The following C8orf34 variants were observed in gnomAD, a reference collection of about 807,000 sequenced individuals.
C8orf34 encodes the protein uncharacterized protein C8orf34.
C8orf34 carries 65 observed loss-of-function variants against 68.3 expected under a neutral mutation model. That is an observed-to-expected ratio of 0.95 (90% CI 0.78 to 1.17). The LOEUF is 1.17. Ranked by LOEUF, C8orf34 falls within the 50% of genes most tolerant of loss-of-function variation. The pLI is 0.00. For missense variants in C8orf34, 664 were observed against 655.4 expected, an observed-to-expected ratio of 1.01 and a Z score of -0.14; for synonymous variants, 244 against 241.2, an observed-to-expected ratio of 1.01 and a Z score of -0.11.
At chr8:68,601,203 A>T (rs1165417545) in intron 7 of C8orf34, among the ~76,000 whole-genome samples, 1 of 151,962 alleles carries the variant, frequency 6.6e-6, no homozygotes, top group Admixed American at 6.6e-5. Context: ...GTTTTTATAA[A>T]TATAATTATT....
chr8:68,811,188 G>A (rs1824640157), intron 12 of C8orf34, among the ~76,000 whole-genome samples: 1 of 152,224 alleles, frequency 6.6e-6, no homozygotes, highest in African/African-American at 2.4e-5. Flanking sequence ...GGCTGAGGCA[G>A]CAGGGGGCTG....
rs1563513099 is a variant in C8orf34 at position 68,533,105 on chromosome 8, C to T, written c.1061C>T (p.Thr354Ile). ...ESIHSPTPSV[T>I]EEDIDNEDDA... is the part of the protein sequence containing the mutation. ...ATCCACAGCCCTACCCCATCTGTAACAGAAGAAGATATTGATAATGAAGAT... is the reference window on the plus strand; with the variant it reads ...ATCCACAGCCCTACCCCATCTGTAATAGAAGAAGATATTGATAATGAAGAT... Residue 354 changes from threonine to isoleucine, a missense_variant, in exon 7 of 14, where the codon ACA (threonine) becomes ATA (isoleucine). Transcript: ENST00000518698. 6.2e-7 allele frequency: 1 copy of T among 1,608,174 alleles called. No individual in the cohort carries two copies. Among genetic ancestry groups the T allele is most frequent in the Admixed American group, 1.7e-5 (1 of 59,222 alleles).
At chr8:68,765,104 A>C (rs1823134175) in intron 10 of C8orf34, among the ~76,000 whole-genome samples, 5 of 152,226 alleles carry the variant, frequency 3.3e-5, no homozygotes, top group Admixed American at 3.3e-4. Context: ...ACTAACGTTT[A>C]TCACAGTGAT....
intron 4 of C8orf34, among the ~76,000 whole-genome samples, chr8:68,484,361 C>T (rs1399511719): frequency 6.6e-6 from 1 of 152,132 alleles, no homozygotes; most frequent in African/African-American, 2.4e-5. Flanking sequence ...GAGATTTGGG[C>T]AGGACACAAA....
intron 9 of C8orf34, among the ~76,000 whole-genome samples, chr8:68,715,955 T>C (rs953264521): frequency 6.6e-6 from 1 of 152,020 alleles, no homozygotes; most frequent in Non-Finnish European, 1.5e-5. Context: ...GAAAATATGA[T>C]ATATATACAC....
At chr8:68,692,640 C>T (rs1820718853) in intron 8 of C8orf34, among the ~76,000 whole-genome samples, 1 of 152,044 alleles carries the variant, frequency 6.6e-6, no homozygotes, top group African/African-American at 2.4e-5. Flanking sequence ...ATAAGTAAAA[C>T]TTGTTAATAT....
chr8:68,439,382 G>A (rs1810800318), intron 1 of C8orf34, 117 bp from the exon 2 acceptor site: 2 of 809,306 alleles, frequency 2.5e-6, no homozygotes. Flanking sequence ...CATGGAGTTA[G>A]TTGCTGTATA....
At chr8:68,357,205 T>TTCTA (rs1214824065) in intron 1 of C8orf34, among the ~76,000 whole-genome samples, 5 of 152,174 alleles carry the variant, frequency 3.3e-5, no homozygotes, top group African/African-American at 1.2e-4. Context: ...GTATACAATA[T>TTCTA]TCTATTCTGC....
At position 68,751,388 on chromosome 8, in the gene C8orf34, A is replaced by G. The variant is rs1822703802; in HGVS notation, c.1405-25011A>G. Among the ~76,000 whole-genome samples, 2 of 152,206 alleles carry G rather than the reference A, an allele frequency of 1.3e-5. 1 individual carries two copies. The highest frequency in any genetic ancestry group is 4.1e-4 in the South Asian group (2 of 4,836). ...ATTAGAGTTGACTGCCAGGACAGCA[A>G]CAAGTTTCAGAGAAGGATTGTTATT... is the stretch of plus-strand genomic sequence containing the variant. On this transcript the variant is annotated intron_variant, in intron 10 of 13. Coordinates refer to ENST00000518698, the MANE Select transcript of C8orf34 (RefSeq NM_052958.4).
chr8:68,691,830 A>T (rs1243526868), intron 8 of C8orf34, among the ~76,000 whole-genome samples: 1 of 152,062 alleles, frequency 6.6e-6, no homozygotes, highest in Non-Finnish European at 1.5e-5. Flanking sequence ...CTAAACCAAC[A>T]TCAATGTCAA....
At chr8:68,789,890 A>G (rs1445064751) in intron 12 of C8orf34, among the ~76,000 whole-genome samples, 2 of 152,186 alleles carry the variant, frequency 1.3e-5, no homozygotes, top group Admixed American at 1.3e-4. Flanking sequence ...TCCATCAATC[A>G]CTCTAAGAAA....
intron 7 of C8orf34, among the ~76,000 whole-genome samples, chr8:68,626,157 T>G (rs920267584): frequency 2.0e-5 from 3 of 151,908 alleles, no homozygotes; most frequent in African/African-American, 7.3e-5. Flanking sequence ...TGGAGGAAAA[T>G]TGAAGCAAAA....
chr8:68,815,250 T>C (rs879425184), intron 12 of C8orf34, among the ~76,000 whole-genome samples: 1 of 152,140 alleles, frequency 6.6e-6, no homozygotes, highest in Non-Finnish European at 1.5e-5. Context: ...TCAAAGATAG[T>C]CTTATATTCT....
chr8:68,699,403 G>T (rs1459476783), intron 8 of C8orf34, among the ~76,000 whole-genome samples: 1 of 152,054 alleles, frequency 6.6e-6, no homozygotes, highest in Non-Finnish European at 1.5e-5. Flanking sequence ...CTGTTTGGCT[G>T]CTTTCTCCTG....
intron 6 of C8orf34, among the ~76,000 whole-genome samples, chr8:68,529,103 T>C (rs1255991185): frequency 2.0e-5 from 3 of 152,204 alleles, no homozygotes; most frequent in African/African-American, 7.2e-5. Flanking sequence ...CTCTAAAAAG[T>C]GAAGCCTCCC....
chr8:68,680,210 C>A (rs1325743645), intron 8 of C8orf34, among the ~76,000 whole-genome samples: 2 of 152,048 alleles, frequency 1.3e-5, no homozygotes, highest in African/African-American at 4.8e-5. Context: ...ATATAAGGAG[C>A]TCATATGACT....
rs1824886979 is a variant in C8orf34, at chr8:68,818,506, A to G, written c.*260A>G. ...TAGAGTCCTGGGTTTAGATTACTTT[A>G]TAAATAGTTATTAAGATTAATATTT... On this transcript the variant is annotated 3_prime_UTR_variant, in exon 14 of 14. Transcript: ENST00000518698. 1 of 376,560 alleles carries G rather than the reference A, an allele frequency of 2.7e-6. No homozygotes were observed. The highest frequency in any genetic ancestry group is 4.8e-6 in the Non-Finnish European group (1 of 209,580). 23.3% of individuals were successfully genotyped at this position (376,560 alleles called of 1,614,324 possible).
chr8:68,739,628 A>G (rs901231272), intron 10 of C8orf34, among the ~76,000 whole-genome samples: 11 of 152,178 alleles, frequency 7.2e-5, no homozygotes, highest in African/African-American at 2.7e-4. Flanking sequence ...AAGCTCATAG[A>G]TAGGAAGAAT....
intron 8 of C8orf34, among the ~76,000 whole-genome samples, chr8:68,650,592 G>C (rs1819326095): frequency 6.7e-6 from 1 of 148,976 alleles, no homozygotes; most frequent in Admixed American, 6.9e-5. Context: ...CCATTCTCCT[G>C]CCTCAGCCTC....
Sources: allele counts gnomAD v4.1 joint callset (sites outside exome capture counted in the v4.1 genomes callset), GRCh38; gene constraint gnomAD v4.1.1; transcripts MANE v1.5; gene names NCBI Gene and HGNC (gene_info 2026-07-23, HGNC 2026-07-21).